The following OOSP1 variants were observed in gnomAD, a reference collection of about 807,000 sequenced individuals.
The protein encoded by OOSP1 is oocyte secreted protein 1.
OOSP1 carries 11 observed loss-of-function variants against 5.7 expected under a neutral mutation model. That is an observed-to-expected ratio of 1.94 (90% CI 1.22 to 3.20). The LOEUF (loss-of-function observed/expected upper bound fraction) is 3.20. Ranked by LOEUF, OOSP1 falls within the 30% of genes most tolerant of loss-of-function variation. OOSP1 has a pLI of 0.00. For missense variants in OOSP1, 83 were observed against 54.1 expected (o/e 1.53, Z -1.67); for synonymous variants, 44 against 20.0 (o/e 2.20, Z -3.20).
At chr11:59,953,713 A>G (rs1250724857) in intron 4 of OOSP1, among the ~76,000 whole-genome samples, 2 of 152,202 alleles carry the variant, frequency 1.3e-5, no homozygotes, top group African/African-American at 4.8e-5. Flanking sequence ...GCTGCCTCAG[A>G]GAAGGTCCTT....
chr11:59,944,338 A>G (rs1853860736), intron 2 of OOSP1, among the ~76,000 whole-genome samples: 1 of 83,700 alleles, frequency 1.2e-5, no homozygotes, highest in Non-Finnish European at 2.1e-5. Context: ...GGGGGGCACT[A>G]TCAACCTTGA....
chr11:59,945,425 T>C, intron 3 of OOSP1, 159 bp downstream of exon 3: 1 of 686,638 alleles, frequency 1.5e-6, no homozygotes, highest in Non-Finnish European at 2.7e-6. Flanking sequence ...CTTGGTGTCT[T>C]AGTCCTCTGT....
intron 4 of OOSP1, chr11:59,948,866 G>A (rs1006694646): frequency 1.8e-5 from 7 of 397,372 alleles, no homozygotes; most frequent in Non-Finnish European, 3.1e-5. Context: ...CTGAGAAGCA[G>A]GAAGGGGATT....
intron 4 of OOSP1, among the ~76,000 whole-genome samples, chr11:59,949,397 G>T (rs1339513861): frequency 6.6e-6 from 1 of 152,048 alleles, no homozygotes; most frequent in African/African-American, 2.4e-5. Flanking sequence ...CAAAGGTGAT[G>T]ATTGAGGAAA....
At chr11:59,947,477 G>A (rs753767100) in intron 3 of OOSP1, among the ~76,000 whole-genome samples, 13 of 152,076 alleles carry the variant, frequency 8.5e-5, no homozygotes, top group Admixed American at 1.3e-4. Context: ...AAGTTACTTG[G>A]TCAACATCAT....
At chr11:59,956,211 T>A (rs1359714465) in intron 4 of OOSP1, among the ~76,000 whole-genome samples, 2 of 151,794 alleles carry the variant, frequency 1.3e-5, no homozygotes, top group Admixed American at 6.6e-5. Flanking sequence ...TTTTTTTTTT[T>A]AAAGTAATTC....
chr11:59,951,310 A>G (rs1163634329), intron 4 of OOSP1, among the ~76,000 whole-genome samples: 1 of 152,096 alleles, frequency 6.6e-6, no homozygotes, highest in East Asian at 1.9e-4. Context: ...GACCTGAAAA[A>G]GAGACAGATC....
At chr11:59,953,108 T>C (rs111942349) in intron 4 of OOSP1, among the ~76,000 whole-genome samples, 300 of 152,276 alleles carry the variant, frequency 2.0e-3, no homozygotes, top group African/African-American at 6.7e-3. Flanking sequence ...TGAGTTTGAT[T>C]TTCCTTCTGC....
At chr11:59,952,517 A>C (rs1853950643) in intron 4 of OOSP1, among the ~76,000 whole-genome samples, 1 of 152,190 alleles carries the variant, frequency 6.6e-6, no homozygotes, top group African/African-American at 2.4e-5. Flanking sequence ...AATTATTCTA[A>C]GTGAAGTAAC....
intron 4 of OOSP1, among the ~76,000 whole-genome samples, chr11:59,951,820 G>A (rs1853943756): frequency 8.7e-6 from 1 of 115,592 alleles, no homozygotes; most frequent in South Asian, 3.0e-4. Flanking sequence ...CCACTATTTG[G>A]ACAAGTTTCC....
chr11:59,945,638 C>T (rs922227232), intron 3 of OOSP1, among the ~76,000 whole-genome samples: 2 of 149,102 alleles, frequency 1.3e-5, no homozygotes, highest in Non-Finnish European at 3.0e-5. Flanking sequence ...GTAGTCCCAG[C>T]TACTTGGGAG....
At position 59,944,236 on chromosome 11, in the gene OOSP1, A is replaced by C. The variant is rs577435812; in HGVS notation, c.259-933A>C. On this transcript the variant is annotated intron_variant, in intron 2 of 4. Coordinates refer to ENST00000646685, the Ensembl canonical transcript of OOSP1. ...GGGTGAGAGCTGAAGGCTGAAGGCT[A>C]TCTGGTAACAGCATTCCTAGCAGCT... Among the ~76,000 whole-genome samples the C allele has an allele frequency of 2.6e-5, 4 of 151,840 alleles. No individual in the cohort carries two copies. The East Asian group carries it at 7.8e-4, about 30-fold the overall frequency.
chr11:59,952,185 A>G (rs906442577), intron 4 of OOSP1, among the ~76,000 whole-genome samples: 1 of 152,134 alleles, frequency 6.6e-6, no homozygotes, highest in Admixed American at 6.5e-5. Context: ...AGAGGCAAAA[A>G]ATAGTATTTT....
chr11:59,952,407 TA>T (rs35121708), intron 4 of OOSP1, among the ~76,000 whole-genome samples: 30,026 of 151,306 alleles, frequency 0.2, 3,945 homozygotes, highest in Admixed American at 0.39. Context: ...AAATGAGTGG[TA>T]AAAAAAAATG....
chr11:59,954,626 AC>A (rs1269906932), intron 4 of OOSP1, among the ~76,000 whole-genome samples: 8 of 117,348 alleles, frequency 6.8e-5, no homozygotes, highest in African/African-American at 2.5e-4. Context: ...AAGTGAAGGG[AC>A]TTTATCTATC....
At chr11:59,939,992 G>C (rs1317581060) in intron 1 of OOSP1, among the ~76,000 whole-genome samples, 2 of 152,132 alleles carry the variant, frequency 1.3e-5, no homozygotes, top group East Asian at 3.9e-4. Context: ...CTCCCACCTT[G>C]GCTTCCCAAA....
intron 4 of OOSP1, among the ~76,000 whole-genome samples, chr11:59,953,181 G>C (rs970878303): frequency 7.9e-5 from 12 of 152,062 alleles, no homozygotes; most frequent in African/African-American, 2.9e-4. Context: ...TTCTGGCTTA[G>C]AGCAGGAGTC....
rs184862663 is a variant in OOSP1 at position 59,950,816 on chromosome 11, T to C, written c.486+2954T>C. On this transcript the variant is annotated intron_variant, in intron 4 of 4. Coordinates refer to ENST00000646685, the Ensembl canonical transcript of OOSP1. Reference sequence around the variant, plus strand: ...AGGAGTACGGCTGTAAAGAGAAAAATAGAAATGGGGTCATTGTAGGGGAAA... The same window carrying C: ...AGGAGTACGGCTGTAAAGAGAAAAACAGAAATGGGGTCATTGTAGGGGAAA... Among the ~76,000 whole-genome samples the C allele has an allele frequency of 7.3e-3, 1,104 of 151,650 alleles. 20 individuals are homozygous for C. Among genetic ancestry groups the C allele is most frequent in the African/African-American group, 0.025 (1,023 of 41,332 alleles).
chr11:59,951,710 A>ATT (rs779942825), intron 4 of OOSP1, among the ~76,000 whole-genome samples: 4 of 103,470 alleles, frequency 3.9e-5, no homozygotes, highest in South Asian at 5.9e-4. Context: ...AATGAACTGC[A>ATT]TTTTTTTTTT....
Sources: allele counts gnomAD v4.1 joint callset (sites outside exome capture counted in the v4.1 genomes callset), GRCh38; gene constraint gnomAD v4.1.1; transcripts MANE v1.5; gene names NCBI Gene and HGNC (gene_info 2026-07-23, HGNC 2026-07-21).